Variants in EVC2 observed in about 807,000 individuals in gnomAD.
EVC2 encodes the protein limbin.
EVC2 carries 148 observed loss-of-function variants against 149.3 expected under a neutral mutation model. That is an observed-to-expected ratio of 0.99 (90% CI 0.87 to 1.14). EVC2 has a LOEUF of 1.14. Ranked by LOEUF, EVC2 falls within the 50% of genes most tolerant of loss-of-function variation. The pLI is 0.00. For missense variants in EVC2, 1,854 were observed against 1,627.3 expected (o/e 1.14, Z -2.40); for synonymous variants, 776 against 649.9 (o/e 1.19, Z -2.95).
chr4:5,616,341 C>T (rs1715249362), intron 15 of EVC2, among the ~76,000 whole-genome samples: 2 of 152,174 alleles, frequency 1.3e-5, no homozygotes, highest in Admixed American at 1.3e-4. Context: ...CTGACTTGCA[C>T]ATCTCTTTAG....
chr4:5,562,579 G>A lies in EVC2; in HGVS notation c.*269C>T. ...AGCAGAGGATGGGGTGTGGATTGCA[G>A]GGTGGGGGTCTCCTCCAGGGCCCTG... On this transcript the variant is annotated 3_prime_UTR_variant, in exon 22 of 22. Transcript: ENST00000344408. The surrounding 1 kb of genome is among the most constrained non-coding windows in gnomAD (Gnocchi z 4.3). 2 of 1,356,932 alleles carry A rather than the reference G, an allele frequency of 1.5e-6. No individual in the cohort carries two copies. The highest frequency in any genetic ancestry group is 1.9e-6 in the Non-Finnish European group (2 of 1,052,008). 84.1% of individuals were successfully genotyped at this position (1,356,932 alleles called of 1,614,324 possible).
intron 16 of EVC2, among the ~76,000 whole-genome samples, chr4:5,594,293 C>T (rs1434724844): frequency 2.0e-5 from 3 of 152,192 alleles, no homozygotes; most frequent in South Asian, 2.1e-4. Context: ...GACCCCTGAC[C>T]CCCGAGCAGC....
chr4:5,615,453 T>G lies in EVC2; in HGVS notation c.2798A>C (p.Glu933Ala). ...CACCAGGTCTTCAGAGGCCTGTTCC[T>G]CACAGAGGTGAATTTTGTCTTCGAT... is the stretch of plus-strand genomic sequence containing the variant. ...KCIEDKIHLC[E>A]EQASEDLVEK... Residue 933 changes from glutamate to alanine, a missense_variant, in exon 16 of 22, where the codon GAG (glutamate) becomes GCG (alanine). By Grantham distance (107) the Glu-to-Ala change is moderately radical. Coordinates refer to ENST00000344408, the MANE Select transcript of EVC2 (RefSeq NM_147127.5). The G allele has an allele frequency of 6.2e-7, 1 of 1,614,208 alleles. No individual in the cohort carries two copies.
At chr4:5,544,194 C>T (rs1721568721) in intron 21 of EVC2, among the ~76,000 whole-genome samples, 1 of 151,636 alleles carries the variant, frequency 6.6e-6, no homozygotes, top group Admixed American at 6.6e-5. Flanking sequence ...CTGGCCACAA[C>T]CTAAGGCTTT....
intron 8 of EVC2, among the ~76,000 whole-genome samples, chr4:5,663,887 C>T (rs575186106): frequency 6.6e-6 from 1 of 152,042 alleles, no homozygotes; most frequent in Non-Finnish European, 1.5e-5. Context: ...CGCCACTGCA[C>T]TCCATCCTGG....
rs1722016500 is a variant in EVC2 at position 5,562,507 on chromosome 4, A to G, written c.*341T>C. The G allele has an allele frequency of 6.9e-6, 8 of 1,154,816 alleles. No individual in the cohort carries two copies. Among genetic ancestry groups the G allele is most frequent in the East Asian group, 5.1e-5 (1 of 19,782 alleles). The allele number at this position is 1,154,816 out of a possible 1,614,324, so 71.5% of individuals were successfully genotyped here. A position where few individuals can be genotyped will look rare whatever the true frequency, so the allele number is the denominator to read the frequency against. ...ATAGAATATGTAACAAATACAAAAC[A>G]TAAGAGTAGAGAATCTGGCTGTCAC... On this transcript the variant is annotated 3_prime_UTR_variant, in exon 22 of 22. Coordinates refer to ENST00000344408, the MANE Select transcript of EVC2 (RefSeq NM_147127.5). The surrounding 1 kb of genome is among the most constrained non-coding windows in gnomAD (Gnocchi z 4.3).
rs1490219141 is a variant in EVC2, at chr4:5,625,686, T to C, written c.2046+63A>G. The C allele has an allele frequency of 1.2e-6, 2 of 1,601,918 alleles. No homozygotes were observed. Among genetic ancestry groups the C allele is most frequent in the Non-Finnish European group, 8.5e-7 (1 of 1,171,004 alleles). On this transcript the variant is annotated intron_variant, in intron 13 of 21. Coordinates refer to ENST00000344408, the MANE Select transcript of EVC2 (RefSeq NM_147127.5). This position sits in a 1 kb window ranked among gnomAD's most constrained non-coding sequence, Gnocchi z 4.0. ...CAATGGCAATGTCTGGCACAGTACC[T>C]GGCACTTGATGGGTATCAGAAAGTG...
chr4:5,546,331 T>A (rs1721621949), intron 21 of EVC2, among the ~76,000 whole-genome samples: 1 of 152,144 alleles, frequency 6.6e-6, no homozygotes, highest in Admixed American at 6.5e-5. Flanking sequence ...CCAACAACGA[T>A]AGACTGGATT....
At chr4:5,681,803 G>A (rs1241474860) in intron 6 of EVC2, among the ~76,000 whole-genome samples, 1 of 152,204 alleles carries the variant, frequency 6.6e-6, no homozygotes, top group African/African-American at 2.4e-5. Context: ...ACAGGAAACA[G>A]AAAAATAAAG....
At chr4:5,691,398 A>G in intron 3 of EVC2, 65 bp from the exon 4 acceptor site, 1 of 1,345,722 alleles carries the variant, frequency 7.4e-7, no homozygotes, top group Non-Finnish European at 1.0e-6. Flanking sequence ...ATTTAATAAA[A>G]GTACAAGATA....
rs1281522539 is a variant in EVC2, at chr4:5,615,436, C to T, written c.2815G>A (p.Asp939Asn). Reference protein sequence around the residue: ...IHLCEEQASEDLVEKVRGELL... With the variant: ...IHLCEEQASENLVEKVRGELL... ...GATGTACTGACCTTTTCCACCAGGT[C>T]TTCAGAGGCCTGTTCCTCACAGAGG... Residue 939 changes from aspartate to asparagine, a missense_variant, in exon 16 of 22, where the codon GAC (aspartate) becomes AAC (asparagine). By Grantham distance (23) the Asp-to-Asn change is conservative (BLOSUM62 1). Coordinates refer to ENST00000344408, the MANE Select transcript of EVC2 (RefSeq NM_147127.5). 9 of 1,614,074 alleles carry T rather than the reference C, an allele frequency of 5.6e-6. No individual in the cohort carries two copies. In the Admixed American group the frequency reaches 1.2e-4, roughly 21 times the overall value.
chr4:5,662,114 G>A (rs1218954071), intron 9 of EVC2, among the ~76,000 whole-genome samples: 1 of 152,046 alleles, frequency 6.6e-6, no homozygotes, highest in African/African-American at 2.4e-5. Context: ...ACCCCAATCT[G>A]CACATCAGCC....
intron 6 of EVC2, among the ~76,000 whole-genome samples, chr4:5,682,573 G>C (rs918646323): frequency 2.0e-5 from 3 of 150,596 alleles, no homozygotes; most frequent in African/African-American, 7.3e-5. Context: ...TATAGAACCA[G>C]ACTGGCTGGG....
At chr4:5,553,296 A>G (rs1247171950) in intron 21 of EVC2, among the ~76,000 whole-genome samples, 2 of 152,302 alleles carry the variant, frequency 1.3e-5, no homozygotes, top group South Asian at 2.1e-4. Context: ...CTCACTCGCT[A>G]TTGTGAGGAC....
chr4:5,606,727 A>G (rs959436698), intron 16 of EVC2, among the ~76,000 whole-genome samples: 3 of 152,214 alleles, frequency 2.0e-5, no homozygotes, highest in Non-Finnish European at 4.4e-5. Context: ...GGACATTGAA[A>G]CAGCAATTAG....
intron 9 of EVC2, among the ~76,000 whole-genome samples, chr4:5,662,478 T>C (rs1287546304): frequency 1.9e-5 from 2 of 106,660 alleles, no homozygotes; most frequent in Non-Finnish European, 4.1e-5. Context: ...TAATATAATA[T>C]TAAATATAAT....
downstream of EVC2, among the ~76,000 whole-genome samples, chr4:5,538,208 T>A (rs12508329): frequency 0.11 from 17,069 of 152,068 alleles, 1,039 homozygotes; most frequent in South Asian, 0.29. Flanking sequence ...ATGAACAGCT[T>A]TATGCCAGTA....
At chr4:5,535,601 A>AAGAGAG in the EVC2 span, among the ~76,000 whole-genome samples, 1,875 of 118,226 alleles carry the variant, frequency 0.016, 46 homozygotes, top group African/African-American at 0.056. This position sits in a 1 kb window ranked among gnomAD's most constrained non-coding sequence, Gnocchi z 4.7. Context: ...CATGCTTAGA[A>AAGAGAG]AGAGAGAGAG....
intron 11 of EVC2, among the ~76,000 whole-genome samples, chr4:5,630,410 C>A (rs77470736): frequency 2.1e-3 from 314 of 152,262 alleles, no homozygotes; most frequent in African/African-American, 7.4e-3. Context: ...TCATCTTTCG[C>A]CACTGTCTTA....
Sources: gnomAD v4.1 joint callset for allele counts (sites outside exome capture counted in the v4.1 genomes callset) on GRCh38, gnomAD v4.1.1 for gene constraint, Gnocchi (gnomAD v3.1) non-coding constraint, MANE v1.5 for transcripts, NCBI Gene and HGNC (gene_info 2026-07-23, HGNC 2026-07-21) for gene names.